The following CACNB2 variants were observed in gnomAD, a reference collection of about 807,000 sequenced individuals.
The protein encoded by CACNB2 is voltage-dependent L-type calcium channel subunit beta-2.
A neutral mutation model predicts 73.3 loss-of-function variants in CACNB2; 42 were observed. That is an observed-to-expected ratio of 0.57 (90% CI 0.45 to 0.74). CACNB2 has a LOEUF of 0.74. Ranked by LOEUF, CACNB2 falls within the 30% of genes least tolerant of loss-of-function variation. CACNB2 has a pLI of 0.00. For synonymous variants in CACNB2, 348 were observed against 310.3 expected (o/e 1.12, Z -1.28); for missense variants, 940 against 853.0 (o/e 1.10, Z -1.27).
intron 2 of CACNB2, among the ~76,000 whole-genome samples, chr10:18,307,574 A>G (rs1438535860): frequency 1.3e-5 from 2 of 152,198 alleles, no homozygotes; most frequent in Non-Finnish European, 2.9e-5. Context: ...ACTATATTTT[A>G]TCTATTTTGT....
intron 2 of CACNB2, among the ~76,000 whole-genome samples, chr10:18,275,294 A>G (rs1007111625): frequency 9.2e-5 from 14 of 152,196 alleles, no homozygotes; most frequent in African/African-American, 3.1e-4. Context: ...CCATCTAAAT[A>G]CTAGCTTTCT....
At chr10:18,443,961 C>G (rs370786285) in intron 3 of CACNB2, among the ~76,000 whole-genome samples, 1 of 152,150 alleles carries the variant, frequency 6.6e-6, no homozygotes, top group South Asian at 2.1e-4. Flanking sequence ...GCAATCCGCC[C>G]GCCTTGGCCT....
At chr10:18,358,518 C>T (rs1345180347) in intron 2 of CACNB2, among the ~76,000 whole-genome samples, 1 of 39,308 alleles carries the variant, frequency 2.5e-5, no homozygotes, top group African/African-American at 9.3e-5. Flanking sequence ...CTCTCTCTCT[C>T]TCTCTCTCTC....
intron 2 of CACNB2, among the ~76,000 whole-genome samples, chr10:18,310,306 T>TA (rs1321937575): frequency 1.2e-4 from 18 of 152,094 alleles, no homozygotes; most frequent in Admixed American, 1.2e-3. Context: ...GCATACAATT[T>TA]AAAAAAGTGA....
chr10:18,473,148 C>T lies in CACNB2; in HGVS notation c.334-25207C>T, dbSNP rs11014400. Among the ~76,000 whole-genome samples the T allele has an allele frequency of 1.9e-3, 291 of 152,294 alleles. 9 individuals are homozygous for T. In the East Asian group the frequency reaches 0.052, roughly 27 times the overall value. ...GAAGGTCATCACTAAAAATTGTCCA[C>T]GCTTTAGCTCCACCCACTGGCAATT... On this transcript the variant is annotated intron_variant, in intron 3 of 13. Transcript: ENST00000324631.
chr10:18,171,247 G>C (rs914229155), intron 2 of CACNB2, among the ~76,000 whole-genome samples: 4 of 152,174 alleles, frequency 2.6e-5, no homozygotes, highest in African/African-American at 9.6e-5. Context: ...AGAAATGTAG[G>C]GTTATTCTTT....
chr10:18,535,568 C>G (rs560255718), intron 11 of CACNB2, among the ~76,000 whole-genome samples: 1 of 152,028 alleles, frequency 6.6e-6, no homozygotes, highest in East Asian at 1.9e-4. Flanking sequence ...GTCAGGAGAT[C>G]GAGACCATCC....
In CACNB2 at chr10:18,477,724, G is replaced by A. The variant is rs114456385; in HGVS notation, c.334-20631G>A. Among the ~76,000 whole-genome samples the A allele has an allele frequency of 6.4e-3, 979 of 152,294 alleles. 15 individuals are homozygous for A. Among genetic ancestry groups the A allele is most frequent in the African/African-American group, 0.023 (943 of 41,572 alleles). On this transcript the variant is annotated intron_variant, in intron 3 of 13. Transcript: ENST00000324631. ...GTAATTCACATAATGCAGGAGGAAAGGGGCAGGTTAGGGAAGAGTCACTTA... is the reference window on the plus strand; with the variant it reads ...GTAATTCACATAATGCAGGAGGAAAAGGGCAGGTTAGGGAAGAGTCACTTA...
intron 6 of CACNB2, among the ~76,000 whole-genome samples, chr10:18,510,990 G>A (rs1239775632): frequency 3.9e-5 from 6 of 152,198 alleles, no homozygotes; most frequent in Non-Finnish European, 1.5e-5. Context: ...TGAGACTCTT[G>A]CCTGGCTTAT....
intron 2 of CACNB2, among the ~76,000 whole-genome samples, chr10:18,321,386 C>T (rs1014163982): frequency 2.0e-5 from 3 of 152,116 alleles, no homozygotes; most frequent in African/African-American, 7.2e-5. Context: ...ATTTATTTCA[C>T]CAGCTACCAG....
chr10:18,315,282 C>T (rs1040839425), intron 2 of CACNB2, among the ~76,000 whole-genome samples: 2 of 151,594 alleles, frequency 1.3e-5, no homozygotes, highest in African/African-American at 4.9e-5. Context: ...TGCAGTGAGC[C>T]AAGATCACAC....
chr10:18,329,901 G>A (rs1055669237), intron 2 of CACNB2, among the ~76,000 whole-genome samples: 2 of 151,968 alleles, frequency 1.3e-5, no homozygotes, highest in African/African-American at 2.4e-5. Flanking sequence ...GCAGTGGTGC[G>A]ATCTCGGCTA....
intron 2 of CACNB2, among the ~76,000 whole-genome samples, chr10:18,251,188 C>A (rs2037072979): frequency 6.6e-6 from 1 of 151,944 alleles, no homozygotes; most frequent in Admixed American, 6.6e-5. Flanking sequence ...AATCTGGGTT[C>A]AAATCCTATT....
chr10:18,504,272 GT>G (rs1230993251), intron 5 of CACNB2, among the ~76,000 whole-genome samples: 1 of 152,210 alleles, frequency 6.6e-6, no homozygotes, highest in African/African-American at 2.4e-5. Flanking sequence ...CGCAGAGCTA[GT>G]AAGCGTCAGA....
At chr10:18,369,043 C>G (rs2042469456) in intron 2 of CACNB2, among the ~76,000 whole-genome samples, 2 of 152,044 alleles carry the variant, frequency 1.3e-5, no homozygotes, top group South Asian at 4.1e-4. Context: ...TGAAATTTTT[C>G]TTTTGTTAAG....
intron 2 of CACNB2, among the ~76,000 whole-genome samples, chr10:18,159,111 A>G (rs2032268230): frequency 6.6e-6 from 1 of 151,798 alleles, no homozygotes; most frequent in African/African-American, 2.4e-5. Context: ...CTCCTTGGCT[A>G]CATTTATGTA....
rs1333185187 is a variant in CACNB2, at chr10:18,454,140, T to A, written c.334-44215T>A. On this transcript the variant is annotated intron_variant, in intron 3 of 13. Transcript: ENST00000324631. Reference sequence around the variant, plus strand: ...AGGGGTAAAATAAAATGGACAGTTATCATGTAGAGTGATGGGTGCTTTGAT... The same window carrying A: ...AGGGGTAAAATAAAATGGACAGTTAACATGTAGAGTGATGGGTGCTTTGAT... Among the ~76,000 whole-genome samples, 3 of 152,154 alleles carry A rather than the reference T, an allele frequency of 2.0e-5. No homozygotes were observed. In the East Asian group the frequency reaches 5.8e-4, roughly 29 times the overall value.
chr10:18,512,560 T>C (rs536965430), intron 6 of CACNB2, among the ~76,000 whole-genome samples: 1 of 152,320 alleles, frequency 6.6e-6, no homozygotes, highest in Non-Finnish European at 1.5e-5. Context: ...TTTTGCACAT[T>C]GTATTGTTGG....
chr10:18,274,608 A>AT (rs959382246), intron 2 of CACNB2, among the ~76,000 whole-genome samples: 29 of 151,582 alleles, frequency 1.9e-4, no homozygotes, highest in African/African-American at 5.8e-4. Flanking sequence ...GAAATCCACA[A>AT]TTTTTTTTTC....
Sources: allele counts gnomAD v4.1 joint callset (sites outside exome capture counted in the v4.1 genomes callset), GRCh38; gene constraint gnomAD v4.1.1; transcripts MANE v1.5; gene names NCBI Gene and HGNC (gene_info 2026-07-23, HGNC 2026-07-21).